NALF1: variants seen among roughly 807,000 people sequenced by gnomAD.
NALF1 encodes NALCN channel auxiliary factor 1.
In NALF1, 3 loss-of-function variants were observed where a neutral mutation model predicts 48.4. The observed-to-expected ratio is 0.06, with a 90% CI of 0.03 to 0.16. NALF1 has a LOEUF of 0.16. NALF1 is among the 10% of genes least tolerant of loss of function. The probability of loss-of-function intolerance (pLI) is 1.00; values close to 1 mark genes in which losing one functional copy is unlikely to be tolerated. For missense variants in NALF1, 526 were observed against 571.5 expected, an observed-to-expected ratio of 0.92 and a Z score of 0.81; for synonymous variants, 262 against 245.7, an observed-to-expected ratio of 1.07 and a Z score of -0.62.
intron 1 of NALF1, among the ~76,000 whole-genome samples, chr13:107,644,818 C>CCA (rs1489726945): frequency 1.3e-5 from 2 of 151,788 alleles, no homozygotes; most frequent in African/African-American, 4.8e-5. Flanking sequence ...ACCTCTGGAA[C>CCA]CACCACCCAG....
intron 1 of NALF1, among the ~76,000 whole-genome samples, chr13:107,782,968 G>A (rs1305641199): frequency 6.9e-6 from 1 of 144,172 alleles, no homozygotes; most frequent in Non-Finnish European, 1.5e-5. Context: ...GGAGGGAGGT[G>A]GGGGGTCAGC....
At chr13:107,634,161 CA>C (rs1348191750) in intron 1 of NALF1, among the ~76,000 whole-genome samples, 4 of 151,910 alleles carry the variant, frequency 2.6e-5, no homozygotes, top group Non-Finnish European at 5.9e-5. Context: ...ATTTATTCAC[CA>C]GAAAAAATGT....
intron 1 of NALF1, among the ~76,000 whole-genome samples, chr13:107,384,116 G>A (rs540835362): frequency 1.2e-4 from 18 of 152,142 alleles, no homozygotes; most frequent in African/African-American, 4.1e-4. Flanking sequence ...AGCCAGGCAT[G>A]GTGGCTCATG....
chr13:107,832,396 T>C (rs575089190), intron 1 of NALF1, among the ~76,000 whole-genome samples: 2 of 152,288 alleles, frequency 1.3e-5, no homozygotes, highest in South Asian at 4.1e-4. Context: ...AATATATACA[T>C]GCACATTAGT....
chr13:107,444,570 T>C (rs1388566077), intron 1 of NALF1, among the ~76,000 whole-genome samples: 1 of 152,162 alleles, frequency 6.6e-6, no homozygotes, highest in African/African-American at 2.4e-5. Context: ...AGAATAAACT[T>C]GAATGGACCC....
chr13:107,350,626 C>T (rs1882856141), intron 1 of NALF1, among the ~76,000 whole-genome samples: 1 of 152,186 alleles, frequency 6.6e-6, no homozygotes, highest in South Asian at 2.1e-4. Context: ...AGATGATTTG[C>T]CTTACATATG....
At chr13:107,232,244 A>C (rs1054153934) in intron 1 of NALF1, among the ~76,000 whole-genome samples, 1 of 152,212 alleles carries the variant, frequency 6.6e-6, no homozygotes, top group African/African-American at 2.4e-5. Context: ...TGGCATCTAC[A>C]TTAGAGGATG....
intron 1 of NALF1, among the ~76,000 whole-genome samples, chr13:107,328,045 C>T (rs958519535): frequency 3.3e-5 from 5 of 151,972 alleles, no homozygotes; most frequent in African/African-American, 9.7e-5. Context: ...CTCTGCCTCC[C>T]GAGTAGCTGG....
At chr13:107,313,878 T>C (rs1594116131) in intron 1 of NALF1, among the ~76,000 whole-genome samples, 1 of 152,246 alleles carries the variant, frequency 6.6e-6, no homozygotes. Context: ...CACATATTGG[T>C]TGATGTTTCA....
rs1306740570 is a variant in NALF1, at chr13:107,797,455, T to C, written c.915+68227A>G. On this transcript the variant is annotated intron_variant, in intron 1 of 2. Coordinates refer to ENST00000375915, the MANE Select transcript of NALF1 (RefSeq NM_001080396.3). ...CGATCTCCTGACCTCATGATCCGCC[T>C]GCTTCAGCCTCCCAAAGTGCTGGGA... Among the ~76,000 whole-genome samples, 3 of 152,148 alleles carry C rather than the reference T, an allele frequency of 2.0e-5. No homozygotes were observed. The East Asian group carries it at 5.8e-4, about 29-fold the overall frequency.
chr13:107,384,231 C>A (rs1169362023), intron 1 of NALF1, among the ~76,000 whole-genome samples: 1 of 151,938 alleles, frequency 6.6e-6, no homozygotes, highest in Admixed American at 6.6e-5. Flanking sequence ...CCAGAATGGG[C>A]GACTGAGTGA....
intron 1 of NALF1, among the ~76,000 whole-genome samples, chr13:107,308,782 A>G (rs1881990243): frequency 6.6e-6 from 1 of 152,240 alleles, no homozygotes; most frequent in South Asian, 2.1e-4. Context: ...ACTATTTATT[A>G]ACCACAGATG....
chr13:107,792,152 C>T (rs1878264110), intron 1 of NALF1, among the ~76,000 whole-genome samples: 1 of 152,114 alleles, frequency 6.6e-6, no homozygotes. Flanking sequence ...TGCTCAAAGA[C>T]CAAGAAGCTA....
At chr13:107,458,824 A>AT (rs1417741843) in intron 1 of NALF1, among the ~76,000 whole-genome samples, 1 of 152,156 alleles carries the variant, frequency 6.6e-6, no homozygotes, top group African/African-American at 2.4e-5. Context: ...ATTATTTAAT[A>AT]TTTTTTGTTG....
chr13:107,674,026 T>C (rs1167720449), intron 1 of NALF1, among the ~76,000 whole-genome samples: 1 of 152,140 alleles, frequency 6.6e-6, no homozygotes, highest in Non-Finnish European at 1.5e-5. Context: ...TCTTTATTAC[T>C]GGCCCAAAGA....
intron 1 of NALF1, among the ~76,000 whole-genome samples, chr13:107,352,814 C>T (rs906702002): frequency 6.6e-6 from 1 of 152,100 alleles, no homozygotes; most frequent in Non-Finnish European, 1.5e-5. Context: ...CAAGAAGAGA[C>T]CTTTTCTTTG....
intron 1 of NALF1, among the ~76,000 whole-genome samples, chr13:107,488,514 C>CA (rs1238304487): frequency 5.3e-5 from 8 of 151,772 alleles, no homozygotes; most frequent in Non-Finnish European, 1.2e-4. Context: ...GAACTGAAGA[C>CA]AAAAAAACCA....
chr13:107,346,695 A>G (rs901337601), intron 1 of NALF1, among the ~76,000 whole-genome samples: 5 of 152,216 alleles, frequency 3.3e-5, no homozygotes, highest in African/African-American at 1.2e-4. Flanking sequence ...ATTTTGCTCA[A>G]TGATATGCAT....
At chr13:107,783,727 G>A (rs1476468767) in intron 1 of NALF1, among the ~76,000 whole-genome samples, 8 of 151,710 alleles carry the variant, frequency 5.3e-5, no homozygotes, top group Non-Finnish European at 8.8e-5. Flanking sequence ...CAAACACTGC[G>A]GAAGGCCGCA....
Sources: gnomAD v4.1 joint callset for allele counts (sites outside exome capture counted in the v4.1 genomes callset) on GRCh38, gnomAD v4.1.1 for gene constraint, MANE v1.5 for transcripts, NCBI Gene and HGNC (gene_info 2026-07-23, HGNC 2026-07-21) for gene names.